The following CTNNA2 variants were observed in gnomAD, a reference collection of about 807,000 sequenced individuals.
The protein encoded by CTNNA2 is catenin alpha 2.
A neutral mutation model predicts 101.0 loss-of-function variants in CTNNA2; 42 were observed. That is an observed-to-expected ratio of 0.42 (90% CI 0.32 to 0.54). CTNNA2 has a LOEUF of 0.54. CTNNA2 is among the 20% of genes least tolerant of loss of function. CTNNA2 has a pLI of 0.14. For synonymous variants in CTNNA2, 450 were observed against 456.4 expected (o/e 0.99, Z 0.18); for missense variants, 871 against 1,223.1 (o/e 0.71, Z 4.29).
chr2:79,818,849 G>GTA (rs1558549300), intron 3 of CTNNA2, among the ~76,000 whole-genome samples: 1 of 86,400 alleles, frequency 1.2e-5, no homozygotes, highest in Non-Finnish European at 2.0e-5. Context: ...ATATATATAT[G>GTA]GATGTATGTG....
chr2:79,908,146 A>G (rs1007761221), intron 6 of CTNNA2, among the ~76,000 whole-genome samples: 17 of 152,134 alleles, frequency 1.1e-4, no homozygotes, highest in Admixed American at 6.6e-5. Flanking sequence ...AAATCCATAA[A>G]AGCATCTTTT....
intron 7 of CTNNA2, among the ~76,000 whole-genome samples, chr2:80,382,837 A>G (rs1302713089): frequency 6.6e-6 from 1 of 152,230 alleles, no homozygotes; most frequent in Non-Finnish European, 1.5e-5. Flanking sequence ...CTTTAACAGT[A>G]GCTGAGTGGT....
chr2:80,002,259 A>G (rs890745937), intron 7 of CTNNA2, among the ~76,000 whole-genome samples: 1 of 152,202 alleles, frequency 6.6e-6, no homozygotes, highest in Non-Finnish European at 1.5e-5. Flanking sequence ...GCATTGATTT[A>G]GAGTTGGAGC....
chr2:79,877,088 T>C (rs1683082239), intron 6 of CTNNA2, among the ~76,000 whole-genome samples: 1 of 151,640 alleles, frequency 6.6e-6, no homozygotes, highest in Admixed American at 6.6e-5. Flanking sequence ...ATGAAAAAAT[T>C]ATATTTTATA....
At chr2:80,358,600 G>A (rs577095491) in intron 7 of CTNNA2, among the ~76,000 whole-genome samples, 38 of 151,974 alleles carry the variant, frequency 2.5e-4, no homozygotes, top group Middle Eastern at 3.4e-3. Context: ...TTATCTACCC[G>A]CCTGAGCTTC....
intron 1 of CTNNA2, among the ~76,000 whole-genome samples, chr2:79,190,536 G>A (rs1012703785): frequency 1.3e-5 from 2 of 151,950 alleles, no homozygotes; most frequent in African/African-American, 2.4e-5. Context: ...TTCAATAATT[G>A]TCATTAGCTT....
At chr2:79,266,867 A>G (rs1442824913) in intron 2 of CTNNA2, among the ~76,000 whole-genome samples, 1 of 152,142 alleles carries the variant, frequency 6.6e-6, no homozygotes, top group African/African-American at 2.4e-5. Flanking sequence ...CATGTATTTC[A>G]TGAAAGCAAT....
Position 80,229,108 on chromosome 2 carries a change from G to A in CTNNA2, c.1057-164103G>A, listed in dbSNP as rs958347891. On this transcript the variant is annotated intron_variant, in intron 7 of 18. Transcript: ENST00000402739. The stretch of plus-strand genomic sequence containing the variant: ...CACAATTACCTGAGGAATCAGATGG[G>A]CAAGTGTGTATAATAGAAATGAAAC... Among the ~76,000 whole-genome samples the A allele has an allele frequency of 1.9e-4, 29 of 152,264 alleles. 1 individual carries two copies. The South Asian group carries it at 4.4e-3, about 23-fold the overall frequency.
intron 3 of CTNNA2, among the ~76,000 whole-genome samples, chr2:79,758,374 C>A (rs1027266324): frequency 6.6e-6 from 1 of 152,190 alleles, no homozygotes; most frequent in Non-Finnish European, 1.5e-5. Context: ...CTCTGGACCT[C>A]TCAGAAACCA....
In CTNNA2 at chr2:79,604,182, G is replaced by A. The variant is rs1430775933; in HGVS notation, c.-5-47370G>A. Among the ~76,000 whole-genome samples the A allele has an allele frequency of 2.0e-5, 3 of 152,134 alleles. No individual in the cohort carries two copies. In the East Asian group the frequency reaches 5.8e-4, roughly 29 times the overall value. On this transcript the variant is annotated intron_variant, in intron 1 of 18. Transcript: ENST00000402739. ...TGTGTCTGTGTGTCGTTATTCAGTG[G>A]GAATTACCACTTCTGAATGTGTATC...
chr2:79,912,879 A>T (rs1400635015), intron 7 of CTNNA2, among the ~76,000 whole-genome samples: 2 of 152,218 alleles, frequency 1.3e-5, no homozygotes, highest in Non-Finnish European at 2.9e-5. Context: ...TTATAATTTT[A>T]TGCAGCTTTC....
intron 7 of CTNNA2, among the ~76,000 whole-genome samples, chr2:80,024,538 C>T (rs1694812013): frequency 6.6e-6 from 1 of 152,212 alleles, no homozygotes; most frequent in Non-Finnish European, 1.5e-5. Flanking sequence ...GCTTAGCCTG[C>T]AGCTCTGAAC....
chr2:80,198,334 G>A (rs1232178592), intron 7 of CTNNA2, among the ~76,000 whole-genome samples: 1 of 152,180 alleles, frequency 6.6e-6, no homozygotes, highest in Non-Finnish European at 1.5e-5. Context: ...ACAGAAAGGA[G>A]ATTGCTTTCA....
At chr2:79,527,216 A>T (rs928581443) in intron 1 of CTNNA2, among the ~76,000 whole-genome samples, 1 of 152,124 alleles carries the variant, frequency 6.6e-6, no homozygotes, top group Middle Eastern at 3.2e-3. Context: ...TAGAATAGAC[A>T]TTTCTCCAAA....
chr2:79,677,749 T>C (rs1052892404), intron 2 of CTNNA2, among the ~76,000 whole-genome samples: 104 of 152,216 alleles, frequency 6.8e-4, no homozygotes, highest in African/African-American at 2.4e-3. Flanking sequence ...GCCATGTGAT[T>C]ATCCAGCCAC....
chr2:79,771,654 A>G (rs904304338), intron 3 of CTNNA2, among the ~76,000 whole-genome samples: 1 of 152,188 alleles, frequency 6.6e-6, no homozygotes, highest in African/African-American at 2.4e-5. Flanking sequence ...TGAGAATCAA[A>G]TGCCACCACT....
In CTNNA2 at chr2:80,239,979, T is replaced by A. The variant is rs375043750; in HGVS notation, c.1057-153232T>A. ...TAACAATATACTGTAATAAAAGCTG[T>A]GTGAATGTTTATTTCTGAAATTTTC... is the stretch of plus-strand genomic sequence containing the variant. On this transcript the variant is annotated intron_variant, in intron 7 of 18. Transcript: ENST00000402739. Among the ~76,000 whole-genome samples the A allele has an allele frequency of 1.2e-4, 18 of 152,126 alleles. No homozygotes were observed. In the South Asian group the frequency reaches 3.7e-3, roughly 32 times the overall value.
At chr2:80,643,582 T>C (rs146075368) in intron 18 of CTNNA2, among the ~76,000 whole-genome samples, 2 of 152,290 alleles carry the variant, frequency 1.3e-5, no homozygotes, top group East Asian at 3.9e-4. Flanking sequence ...GATATGTCTT[T>C]CTGCTGAAAA....
intron 3 of CTNNA2, among the ~76,000 whole-genome samples, chr2:79,801,799 C>G (rs1172304808): frequency 1.3e-5 from 2 of 151,920 alleles, no homozygotes. Flanking sequence ...CGAGACCAGC[C>G]TGACCAACAT....
Sources: gnomAD v4.1 joint callset for allele counts (sites outside exome capture counted in the v4.1 genomes callset) on GRCh38, gnomAD v4.1.1 for gene constraint, MANE v1.5 for transcripts, NCBI Gene and HGNC (gene_info 2026-07-23, HGNC 2026-07-21) for gene names.